Variants in RUFY3 observed in about 807,000 individuals in gnomAD.
The protein encoded by RUFY3 is protein RUFY3.
In RUFY3, 34 loss-of-function variants were observed where a neutral mutation model predicts 84.0. The observed-to-expected ratio is 0.40, with a 90% confidence interval of 0.31 to 0.54. The LOEUF (loss-of-function observed/expected upper bound fraction) is 0.54. RUFY3 is among the 20% of genes least tolerant of loss of function. The pLI, the probability that RUFY3 is intolerant of heterozygous loss-of-function variation, is 0.39. For missense variants in RUFY3, 507 were observed against 736.8 expected, an observed-to-expected ratio of 0.69 and a Z score of 3.61; for synonymous variants, 242 against 252.9, an observed-to-expected ratio of 0.96 and a Z score of 0.41.
chr4:70,731,359 T>A (rs1719243773), intron 1 of RUFY3, among the ~76,000 whole-genome samples: 2 of 152,136 alleles, frequency 1.3e-5, no homozygotes, highest in Non-Finnish European at 2.9e-5. Flanking sequence ...TCTTTTAAAG[T>A]GGAGACTGAG....
At position 70,802,963 on chromosome 4, in the gene RUFY3, C is replaced by A. The variant is rs767510208; in HGVS notation, c.1630C>A (p.Pro544Thr). The change falls in exon 16 of 18, where the codon CCC becomes ACC. Residue 544 changes from proline to threonine, a missense_variant. Transcript: ENST00000381006. ...TTTACTTCTCCATTGTAGGCTGCAA[C>A]CCCACCCTATGGATGAACAGGTAAC... The part of the protein sequence containing the change: ...KPLEESHRLQ[P>T]HPMDEQDQLL... The A allele has an allele frequency of 6.2e-7, 1 of 1,607,886 alleles. No individual in the cohort carries two copies. Among genetic ancestry groups the A allele is most frequent in the Non-Finnish European group, 8.5e-7 (1 of 1,176,376 alleles).
intron 1 of RUFY3, among the ~76,000 whole-genome samples, chr4:70,712,417 T>C (rs923140783): frequency 6.6e-6 from 1 of 152,132 alleles, no homozygotes; most frequent in African/African-American, 2.4e-5. Context: ...AGAAGCTGGT[T>C]TGAGTGGAGA....
In RUFY3 at chr4:70,764,589, TC is replaced by T. The variant is rs765337423; in HGVS notation, c.572+14del. 1 of 1,438,248 alleles carries T rather than the reference TC, an allele frequency of 7.0e-7. No homozygotes were observed. Among genetic ancestry groups the T allele is most frequent in the South Asian group, 1.2e-5 (1 of 85,638 alleles). The allele number at this position is 1,438,248 out of a possible 1,614,324, so 89.1% of individuals were successfully genotyped here. ...AAGAACTTCTCAGGTATGAACACCT[TC>T]TTGAACTTTCTTCTTTCCTTGGTAT... On this transcript the variant is annotated intron_variant, in intron 4 of 17. Transcript: ENST00000381006.
At chr4:70,725,859 A>G (rs1718145597) in intron 1 of RUFY3, among the ~76,000 whole-genome samples, 1 of 152,198 alleles carries the variant, frequency 6.6e-6, no homozygotes. Flanking sequence ...CAACAGGAGC[A>G]CAGAGGGCTT....
intron 1 of RUFY3, among the ~76,000 whole-genome samples, chr4:70,742,722 C>G (rs2148651147): frequency 1.3e-5 from 2 of 152,314 alleles, no homozygotes; most frequent in Admixed American, 1.3e-4. Flanking sequence ...TATCCTTAAT[C>G]AGACCTGGGA....
chr4:70,714,239 G>A (rs556349928), intron 1 of RUFY3, among the ~76,000 whole-genome samples: 4 of 152,218 alleles, frequency 2.6e-5, no homozygotes, highest in Admixed American at 6.5e-5. Flanking sequence ...TTAGAGGCAC[G>A]TCTTCAGGCA....
rs200931412 is a variant in RUFY3 at position 70,768,607 on chromosome 4, T to A, written c.642T>A (p.Gly214=). Residue 214 remains glycine (G), a synonymous_variant, in exon 5 of 18, where the codon GGT becomes GGA. Coordinates refer to ENST00000381006, the MANE Select transcript of RUFY3 (RefSeq NM_001037442.4). ...CCATAATTGCTGGTCTGTTGGTGGG[T>A]CTGAATGTCATTGATGCCAATTTCT... ...EGAIIAGLLV[G]LNVIDANFCM... 1.2e-6 allele frequency: 2 copies of A among 1,613,972 alleles called. No homozygotes were observed. Among genetic ancestry groups the A allele is most frequent in the Admixed American group, 1.7e-5 (1 of 59,976 alleles).
intron 1 of RUFY3, among the ~76,000 whole-genome samples, chr4:70,727,835 A>T (rs1477780778): frequency 6.6e-6 from 1 of 151,928 alleles, no homozygotes; most frequent in Non-Finnish European, 1.5e-5. Context: ...AATACATGTT[A>T]TGTATACGCA....
At chr4:70,789,203 T>C (rs1357895267) in intron 11 of RUFY3, among the ~76,000 whole-genome samples, 1 of 152,216 alleles carries the variant, frequency 6.6e-6, no homozygotes, top group Non-Finnish European at 1.5e-5. Flanking sequence ...ATGAGGGTCT[T>C]TTTTATCCTA....
intron 1 of RUFY3, among the ~76,000 whole-genome samples, chr4:70,731,074 C>G (rs1719187060): frequency 6.7e-6 from 1 of 148,216 alleles, no homozygotes; most frequent in Admixed American, 6.7e-5. Context: ...GAGTCTCGCT[C>G]TTGTCCAGGC....
At chr4:70,802,060 C>A (rs1033294022) in intron 15 of RUFY3, among the ~76,000 whole-genome samples, 1 of 152,190 alleles carries the variant, frequency 6.6e-6, no homozygotes, top group South Asian at 2.1e-4. Context: ...TACAAAAGTA[C>A]CTAATGCAAC....
intron 14 of RUFY3, among the ~76,000 whole-genome samples, chr4:70,796,817 T>C (rs1420226313): frequency 1.3e-5 from 2 of 152,228 alleles, no homozygotes; most frequent in Non-Finnish European, 2.9e-5. Flanking sequence ...AAAAGCTTTT[T>C]GTAAAGCATC....
At chr4:70,719,133 G>A (rs769771852), upstream of RUFY3, among the ~76,000 whole-genome samples, 3 of 152,182 alleles carry the variant, frequency 2.0e-5, no homozygotes, top group Non-Finnish European at 2.9e-5. Flanking sequence ...AAAGAACAGC[G>A]TAGAAGTACA....
chr4:70,791,636 ACAACCCAGTCCTTGATAATAC>A, intron 12 of RUFY3: 1 of 1,060,654 alleles, frequency 9.4e-7, no homozygotes, highest in Non-Finnish European at 1.1e-6. Flanking sequence ...TGATGCCTTT[ACAACCCAGTCCTTGATAATAC>A]CAGATTCTCG....
intron 1 of RUFY3, among the ~76,000 whole-genome samples, chr4:70,731,814 G>A (rs190572965): frequency 2.6e-5 from 4 of 152,110 alleles, no homozygotes; most frequent in East Asian, 3.9e-4. Context: ...GCGATCACCC[G>A]CCTCAGCCTC....
intron 1 of RUFY3, among the ~76,000 whole-genome samples, chr4:70,752,322 G>C (rs748020571): frequency 2.0e-4 from 30 of 151,482 alleles, no homozygotes; most frequent in Non-Finnish European, 3.7e-4. Context: ...GTGTGTGTGT[G>C]TGGATTCCTT....
chr4:70,804,526 A>G (rs948979183), intron 17 of RUFY3, 110 bp downstream of exon 17: 4 of 862,048 alleles, frequency 4.6e-6, no homozygotes, highest in Admixed American at 2.2e-5. Context: ...GAGTGCATGC[A>G]GAGTGCTGGG....
At chr4:70,805,198 A>G (rs1415058371) in intron 17 of RUFY3, among the ~76,000 whole-genome samples, 1 of 152,226 alleles carries the variant, frequency 6.6e-6, no homozygotes, top group Non-Finnish European at 1.5e-5. Context: ...CTTTCGCTCC[A>G]AAGTCCACAG....
At chr4:70,708,944 A>G (rs886408092) in intron 1 of RUFY3, among the ~76,000 whole-genome samples, 3 of 152,186 alleles carry the variant, frequency 2.0e-5, no homozygotes, top group East Asian at 1.9e-4. Context: ...TCTGGTGCCA[A>G]CTACTCAGGA....
Sources: gnomAD v4.1 joint callset for allele counts (sites outside exome capture counted in the v4.1 genomes callset) on GRCh38, gnomAD v4.1.1 for gene constraint, MANE v1.5 for transcripts, NCBI Gene and HGNC (gene_info 2026-07-23, HGNC 2026-07-21) for gene names.